ODR4: variants seen among roughly 807,000 people sequenced by gnomAD.
ODR4 encodes odr-4 GPCR localization factor homolog.
ODR4 carries 47 observed loss-of-function variants against 60.2 expected under a neutral mutation model. The ratio of observed to expected loss-of-function variants is 0.78; its 90% CI spans 0.62 to 1.00. The LOEUF (loss-of-function observed/expected upper bound fraction) is 1.00, where lower values mean the gene tolerates loss of function less well. Ranked by LOEUF, ODR4 falls within the 50% of genes least tolerant of loss-of-function variation. The pLI is 0.00. For synonymous variants in ODR4, 178 were observed against 175.5 expected, an observed-to-expected ratio of 1.01 and a Z score of -0.11; for missense variants, 488 against 530.8, an observed-to-expected ratio of 0.92 and a Z score of 0.79.
chr1:186,378,614 C>T (rs979867591), intron 1 of ODR4, among the ~76,000 whole-genome samples: 3 of 152,178 alleles, frequency 2.0e-5, no homozygotes, highest in Non-Finnish European at 4.4e-5. Context: ...GGACTGGTTA[C>T]GATTCCTCAT....
At chr1:186,405,092 G>T (rs565066865) in intron 11 of ODR4, among the ~76,000 whole-genome samples, 41 of 152,182 alleles carry the variant, frequency 2.7e-4, no homozygotes, top group Non-Finnish European at 4.6e-4. Context: ...TTCTAAAAAT[G>T]ATTTAAGGCT....
chr1:186,390,690 T>G (rs1484336205), intron 6 of ODR4, 21 bp from the exon 7 acceptor site: 1 of 1,611,744 alleles, frequency 6.2e-7, no homozygotes, highest in African/African-American at 1.3e-5. Context: ...ATAGTTATTT[T>G]TCTCCCTTCT....
chr1:186,421,506 C>G (rs114050346), downstream of ODR4: 1 of 152,090 alleles, frequency 6.6e-6, no homozygotes, highest in East Asian at 1.9e-4. Context: ...ACTGTTTAAC[C>G]TTAAAATTGA....
Position 186,406,131 on chromosome 1 carries a change from T to G in ODR4, c.1049T>G (p.Leu350Arg). 2 of 1,606,770 alleles carry G rather than the reference T, an allele frequency of 1.2e-6. No individual in the cohort carries two copies. Among genetic ancestry groups the G allele is most frequent in the Non-Finnish European group, 1.7e-6 (2 of 1,176,920 alleles). Residue 350 changes from leucine to arginine, a missense_variant, in exon 12 of 14, where the codon CTT becomes CGT. Coordinates refer to ENST00000287859, the MANE Select transcript of ODR4 (RefSeq NM_017847.6). The stretch of plus-strand genomic sequence containing the variant: ...CTCCCTTATCGAGTCTTTGTTCCCC[T>G]TCCTGGATCCACTGTAATGTTGTGT... ...HVLPYRVFVP[L>R]PGSTVMLCDY...
At position 186,376,793 on chromosome 1, in the gene ODR4, G is replaced by A. The variant is rs115730912; in HGVS notation, c.-20+819G>A. Among the ~76,000 whole-genome samples the A allele has an allele frequency of 6.1e-3, 927 of 152,304 alleles. 13 individuals carry two copies. The highest frequency in any genetic ancestry group is 0.022 in the African/African-American group (897 of 41,546). Reference sequence around the variant, plus strand: ...ACTGTTGATCTGTCATTTGGGAAATGTAGATTTTTCTGTACTTAGATTCAC... The same window carrying A: ...ACTGTTGATCTGTCATTTGGGAAATATAGATTTTTCTGTACTTAGATTCAC... On this transcript the variant is annotated intron_variant, in intron 1 of 13. Coordinates refer to ENST00000287859, the MANE Select transcript of ODR4 (RefSeq NM_017847.6).
At chr1:186,411,015 C>CAA (rs573542063) in intron 12 of ODR4, among the ~76,000 whole-genome samples, 7 of 130,258 alleles carry the variant, frequency 5.4e-5, no homozygotes, top group Admixed American at 1.5e-4. Context: ...AACTCTGTCT[C>CAA]AAAAAAAAAA....
the ODR4 span, among the ~76,000 whole-genome samples, chr1:186,433,317 ATTTT>A: frequency 4.0e-5 from 6 of 150,402 alleles, no homozygotes; most frequent in Non-Finnish European, 8.9e-5. Flanking sequence ...AAATACTCTT[ATTTT>A]TTTTTAAGTT....
In ODR4 at chr1:186,419,065, T is replaced by A; in HGVS notation, c.1354T>A (p.Phe452Ile). 1 of 1,610,622 alleles carries A rather than the reference T, an allele frequency of 6.2e-7. No homozygotes were observed. The highest frequency in any genetic ancestry group is 8.5e-7 in the Non-Finnish European group (1 of 1,178,222). ...TGCTGCGGGTATCTCCTTTCATTAC[T>A]TCAGTGATTAGGGTGAGGCACAAAG... ...VLAAGISFHY[F>I]SD The change falls in exon 14 of 14, where the codon TTC (phenylalanine) becomes ATC (isoleucine). Residue 452 changes from phenylalanine to isoleucine, a missense_variant. Coordinates refer to ENST00000287859, the MANE Select transcript of ODR4 (RefSeq NM_017847.6).
intron 4 of ODR4, among the ~76,000 whole-genome samples, chr1:186,388,108 A>C (rs1285177): frequency 0.98 from 149,590 of 152,316 alleles, 73,480 homozygotes; most frequent in African/African-American, 1. Context: ...TAGTGAATTA[A>C]ATTTTTTTAT....
rs113247382 is a variant in ODR4, at chr1:186,375,993, AGTGTGT to A, written c.-20+43_-20+48del. 146 of 158,500 alleles carry A rather than the reference AGTGTGT, an allele frequency of 9.2e-4. 1 individual carries two copies. The highest frequency in any genetic ancestry group is 2.8e-3 in the African/African-American group (113 of 40,592). The allele number at this position is 158,500 out of a possible 1,614,324, so 9.8% of individuals were successfully genotyped here. A position where few individuals can be genotyped will look rare whatever the true frequency, so the allele number is the denominator to read the frequency against. On this transcript the variant is annotated intron_variant, in intron 1 of 13. Transcript: ENST00000287859. Reference sequence around the variant, plus strand: ...AAAACAGGTAAGTCAGCCTAAGTGTAGTGTGTGTGTGTGTGTGTGTGTGTGTGTGCT... The same window carrying A: ...AAAACAGGTAAGTCAGCCTAAGTGTAGTGTGTGTGTGTGTGTGTGTGTGCT...
chr1:186,427,539 T>C, the ODR4 span, among the ~76,000 whole-genome samples: 1 of 152,232 alleles, frequency 6.6e-6, no homozygotes, highest in African/African-American at 2.4e-5. Flanking sequence ...CTTCTTCCAC[T>C]GAAGTCTTGA....
At chr1:186,427,618 C>A in the ODR4 span, among the ~76,000 whole-genome samples, 1 of 152,214 alleles carries the variant, frequency 6.6e-6, no homozygotes, top group Admixed American at 6.5e-5. Context: ...GATATTTTCA[C>A]CTGCTTCCAT....
intron 11 of ODR4, chr1:186,400,614 A>T (rs1346698934): frequency 6.0e-6 from 1 of 165,690 alleles, no homozygotes; most frequent in Non-Finnish European, 1.3e-5. Flanking sequence ...TTTTATGTTC[A>T]TAGGAAAAAA....
At chr1:186,381,935 T>A (rs1660049461) in intron 2 of ODR4, among the ~76,000 whole-genome samples, 1 of 152,220 alleles carries the variant, frequency 6.6e-6, no homozygotes, top group South Asian at 2.1e-4. Flanking sequence ...AAGATGATAC[T>A]AATGATCAGA....
intron 12 of ODR4, among the ~76,000 whole-genome samples, chr1:186,408,571 T>A (rs1302992748): frequency 6.7e-6 from 1 of 149,838 alleles, no homozygotes; most frequent in Non-Finnish European, 1.5e-5. Context: ...ATATAAACAA[T>A]TTGTGTATGT....
chr1:186,400,688 A>C (rs1319978148), intron 11 of ODR4: 1 of 218,168 alleles, frequency 4.6e-6, no homozygotes, highest in Non-Finnish European at 8.9e-6. Context: ...GTTAAGTTTG[A>C]TGGACTAATT....
chr1:186,400,770 A>G lies in ODR4; in HGVS notation c.1000+1726A>G, dbSNP rs986057745. 4 of 309,562 alleles carry G rather than the reference A, an allele frequency of 1.3e-5. No homozygotes were observed. The Admixed American group carries it at 1.6e-4, about 12-fold the overall frequency. 19.2% of individuals were successfully genotyped at this position (309,562 alleles called of 1,614,324 possible). A position where few individuals can be genotyped will look rare whatever the true frequency, so the allele number is the denominator to read the frequency against. On this transcript the variant is annotated intron_variant, in intron 11 of 13. Coordinates refer to ENST00000287859, the MANE Select transcript of ODR4 (RefSeq NM_017847.6). ...AGATTTAACATTTATCCTTCTCGTAATTCACAACCCTAAAGTTCCATTTAC... is the reference window on the plus strand; with the variant it reads ...AGATTTAACATTTATCCTTCTCGTAGTTCACAACCCTAAAGTTCCATTTAC...
In ODR4 at chr1:186,379,854, G is replaced by T; in HGVS notation, c.69G>T (p.Lys23Asn). Reference sequence around the variant, plus strand: ...TTTCAAACATAAATCTCCAAGGAAAGGCTTTTGTCTCTGGCCTTTTAATAG... The same window carrying T: ...TTTCAAACATAAATCTCCAAGGAAATGCTTTTGTCTCTGGCCTTTTAATAG... ...QYLSNINLQG[K>N]AFVSGLLIGQ... Residue 23 changes from lysine (K) to asparagine (N), a missense_variant, in exon 2 of 14, where the codon AAG (lysine) becomes AAT (asparagine). Coordinates refer to ENST00000287859, the MANE Select transcript of ODR4 (RefSeq NM_017847.6). 1 of 1,607,884 alleles carries T rather than the reference G, an allele frequency of 6.2e-7. No homozygotes were observed. Among genetic ancestry groups the T allele is most frequent in the Non-Finnish European group, 8.5e-7 (1 of 1,177,002 alleles).
intron 11 of ODR4, chr1:186,401,111 TTTA>T: frequency 6.3e-7 from 1 of 1,595,412 alleles, no homozygotes; most frequent in Non-Finnish European, 8.6e-7. Context: ...TACTCTTCTA[TTTA>T]AAAATCCTTT....
Sources: gnomAD v4.1 joint callset for allele counts (sites outside exome capture counted in the v4.1 genomes callset) on GRCh38, gnomAD v4.1.1 for gene constraint, MANE v1.5 for transcripts, NCBI Gene and HGNC (gene_info 2026-07-23, HGNC 2026-07-21) for gene names.